The following DENND1B variants were observed in gnomAD, a reference collection of about 807,000 sequenced individuals.
DENND1B encodes the protein DENN domain containing 1B.
In DENND1B, 59 loss-of-function variants were observed where a neutral mutation model predicts 90.1. The ratio of observed to expected loss-of-function variants is 0.65; its 90% CI spans 0.53 to 0.81. DENND1B has a LOEUF of 0.81. DENND1B is among the 40% of genes least tolerant of loss of function. The pLI is 0.00. For synonymous variants in DENND1B, 337 were observed against 324.6 expected (o/e 1.04, Z -0.41); for missense variants, 862 against 912.6 (o/e 0.94, Z 0.71).
At chr1:197,723,789 T>C (rs1482641487) in intron 2 of DENND1B, among the ~76,000 whole-genome samples, 1 of 151,978 alleles carries the variant, frequency 6.6e-6, no homozygotes, top group African/African-American at 2.4e-5. Flanking sequence ...AGACTGTTGT[T>C]TGTTATAATT....
intron 14 of DENND1B, among the ~76,000 whole-genome samples, chr1:197,594,394 C>A (rs1185242997): frequency 6.6e-6 from 1 of 152,100 alleles, no homozygotes; most frequent in Non-Finnish European, 1.5e-5. Context: ...TCTCATTTTA[C>A]AAACATGAAG....
intron 7 of DENND1B, among the ~76,000 whole-genome samples, chr1:197,649,864 T>C (rs558906868): frequency 1.3e-5 from 2 of 152,062 alleles, no homozygotes; most frequent in East Asian, 1.9e-4. Flanking sequence ...CAAAGATAAA[T>C]AGTTGGGACT....
At chr1:197,613,801 T>C (rs1677396374) in intron 11 of DENND1B, among the ~76,000 whole-genome samples, 2 of 151,040 alleles carry the variant, frequency 1.3e-5, no homozygotes, top group South Asian at 2.1e-4. Flanking sequence ...AAACTTCCAA[T>C]TAACCTCAGG....
At chr1:197,547,742 T>C (rs1329166068) in intron 16 of DENND1B, among the ~76,000 whole-genome samples, 3 of 152,196 alleles carry the variant, frequency 2.0e-5, no homozygotes, top group Non-Finnish European at 4.4e-5. Flanking sequence ...TTGACCAAAC[T>C]TTTAAAAGTA....
At chr1:197,707,343 A>G (rs1659650682) in intron 3 of DENND1B, among the ~76,000 whole-genome samples, 1 of 152,052 alleles carries the variant, frequency 6.6e-6, no homozygotes, top group African/African-American at 2.4e-5. Context: ...ATGGTGTTCT[A>G]GTGTTCTATA....
At chr1:197,596,721 T>TTATTTC (rs1366966487) in intron 13 of DENND1B, among the ~76,000 whole-genome samples, 1 of 151,842 alleles carries the variant, frequency 6.6e-6, no homozygotes, top group East Asian at 1.9e-4. Context: ...AGGGTTATTT[T>TTATTTC]TATTTCTTTA....
intron 2 of DENND1B, chr1:197,734,704 T>C (rs1295030874): frequency 2.0e-6 from 2 of 984,884 alleles, no homozygotes; most frequent in Non-Finnish European, 2.4e-6. Context: ...GTAACTACTG[T>C]ATACAGGATT....
At chr1:197,707,774 C>T (rs987801218) in intron 3 of DENND1B, among the ~76,000 whole-genome samples, 2 of 148,588 alleles carry the variant, frequency 1.3e-5, no homozygotes, top group Non-Finnish European at 3.0e-5. Flanking sequence ...CCAGCGTGAG[C>T]GACGCAGAAG....
intron 3 of DENND1B, among the ~76,000 whole-genome samples, chr1:197,681,776 C>A (rs1656720075): frequency 6.6e-6 from 1 of 152,162 alleles, no homozygotes; most frequent in Non-Finnish European, 1.5e-5. Context: ...CAAACCACCA[C>A]ATTATTTCTC....
upstream of DENND1B, among the ~76,000 whole-genome samples, chr1:197,777,879 C>T (rs565407543): frequency 2.0e-5 from 3 of 152,112 alleles, no homozygotes; most frequent in South Asian, 6.2e-4. Context: ...ATATATTCTG[C>T]AGCTTTGGGG....
intron 3 of DENND1B, among the ~76,000 whole-genome samples, chr1:197,703,177 A>G (rs1397212745): frequency 1.3e-5 from 2 of 151,936 alleles, no homozygotes; most frequent in African/African-American, 2.4e-5. Context: ...TAGTAGAGAC[A>G]GGGTTTCACC....
intron 2 of DENND1B, among the ~76,000 whole-genome samples, chr1:197,767,855 T>G (rs1235741903): frequency 6.6e-6 from 1 of 152,174 alleles, no homozygotes; most frequent in Non-Finnish European, 1.5e-5. Context: ...ACATACAGTT[T>G]ATACTCAAAT....
intron 2 of DENND1B, among the ~76,000 whole-genome samples, chr1:197,772,075 G>A (rs1044616761): frequency 9.2e-5 from 14 of 152,132 alleles, no homozygotes; most frequent in African/African-American, 3.4e-4. Context: ...CTGCAAAAGT[G>A]CTGTGCTATT....
intron 20 of DENND1B, 52 bp downstream of exon 20, chr1:197,539,912 A>C (rs375433518): frequency 3.2e-5 from 44 of 1,391,616 alleles, no homozygotes; most frequent in Non-Finnish European, 4.3e-5. Flanking sequence ...AATTTACTGG[A>C]ATTATATAAT....
At chr1:197,751,174 C>T (rs1653456502) in intron 2 of DENND1B, among the ~76,000 whole-genome samples, 1 of 152,152 alleles carries the variant, frequency 6.6e-6, no homozygotes, top group Middle Eastern at 3.4e-3. Flanking sequence ...CAAGATAGAC[C>T]ACCTCGTGGG....
chr1:197,637,334 A>G (rs952226546), intron 10 of DENND1B, among the ~76,000 whole-genome samples: 7 of 152,226 alleles, frequency 4.6e-5, no homozygotes, highest in Admixed American at 4.6e-4. Context: ...GGGAATGACA[A>G]GTTAATAACA....
chr1:197,621,366 T>C (rs1678144967), intron 10 of DENND1B, among the ~76,000 whole-genome samples: 1 of 151,200 alleles, frequency 6.6e-6, no homozygotes. Context: ...CTGGATGACA[T>C]TTTTACATAC....
intron 3 of DENND1B, among the ~76,000 whole-genome samples, chr1:197,687,359 T>C (rs886074132): frequency 9.2e-5 from 14 of 152,214 alleles, no homozygotes. Context: ...ATGCTTCCAA[T>C]GTCTCCTCAG....
intron 1 of DENND1B, among the ~76,000 whole-genome samples, chr1:197,774,025 T>A (rs1357099400): frequency 6.6e-6 from 1 of 152,228 alleles, no homozygotes. Flanking sequence ...ACAAGACATA[T>A]AAATTAACAT....
Sources: allele counts gnomAD v4.1 joint callset (sites outside exome capture counted in the v4.1 genomes callset), GRCh38; gene constraint gnomAD v4.1.1; transcripts MANE v1.5; gene names NCBI Gene and HGNC (gene_info 2026-07-23, HGNC 2026-07-21).